Variants in EXD3 observed in about 807,000 individuals in gnomAD.
EXD3 encodes exonuclease mut-7 homolog.
Under a neutral mutation model 98.0 loss-of-function variants are expected in EXD3, and 92 were observed. The observed-to-expected ratio is 0.94, with a 90% CI of 0.79 to 1.12. The LOEUF (loss-of-function observed/expected upper bound fraction) is 1.12. Ranked by LOEUF, EXD3 falls within the 50% of genes most tolerant of loss-of-function variation. The pLI is 0.00. For missense variants in EXD3, 1,222 were observed against 1,191.6 expected, an observed-to-expected ratio of 1.03 and a Z score of -0.38; for synonymous variants, 569 against 526.0, an observed-to-expected ratio of 1.08 and a Z score of -1.12.
chr9:137,356,679 T>A (rs1264577835), intron 7 of EXD3, among the ~76,000 whole-genome samples: 1 of 152,190 alleles, frequency 6.6e-6, no homozygotes, highest in African/African-American at 2.4e-5. Context: ...GTATTAGAGT[T>A]TTAGCTAAAT....
rs532420019 is a variant in EXD3 at position 137,307,184 on chromosome 9, C to T, written c.2397G>A (p.Ala799=). The change falls in exon 22 of 22, where the codon GCG becomes GCA. Residue 799 remains alanine (A), a synonymous_variant. Coordinates refer to ENST00000340951, the MANE Select transcript of EXD3 (RefSeq NM_017820.5). The part of the protein sequence containing the change: ...CRWLQMADLR[A]ETPDMLADGT... ...CGTCGGCCAGCATGTCCGGTGTCTCCGCCCGCAGGTCAGCCATCTGCAGCC... is the reference window on the plus strand; with the variant it reads ...CGTCGGCCAGCATGTCCGGTGTCTCTGCCCGCAGGTCAGCCATCTGCAGCC... 91 of 1,585,028 alleles carry T rather than the reference C, an allele frequency of 5.7e-5. No homozygotes were observed. The highest frequency in any genetic ancestry group is 1.7e-4 in the Middle Eastern group (1 of 6,022).
rs769163620 is a variant in EXD3 at position 137,373,079 on chromosome 9, G to C, written c.295-7C>G. The C allele has an allele frequency of 9.0e-6, 14 of 1,559,726 alleles. No homozygotes were observed. Among genetic ancestry groups the C allele is most frequent in the South Asian group, 8.3e-5 (7 of 83,900 alleles). On this transcript the variant is annotated splice_polypyrimidine_tract_variant and splice_region_variant and intron_variant, in intron 4 of 21. Transcript: ENST00000340951. Reference sequence around the variant, plus strand: ...GCTTCAGCCTCAGGCTGTGCTGGAAGAGCAGGGACCCAGACTTACTGGACG... The same window carrying C: ...GCTTCAGCCTCAGGCTGTGCTGGAACAGCAGGGACCCAGACTTACTGGACG...
intron 17 of EXD3, among the ~76,000 whole-genome samples, chr9:137,332,459 C>T (rs1833120949): frequency 6.6e-6 from 1 of 151,794 alleles, no homozygotes; most frequent in Non-Finnish European, 1.5e-5. Context: ...TGGTAGTGGG[C>T]ACCTGTAGTC....
At chr9:137,352,417 C>G (rs774195950) in intron 11 of EXD3, among the ~76,000 whole-genome samples, 1 of 152,204 alleles carries the variant, frequency 6.6e-6, no homozygotes, top group Non-Finnish European at 1.5e-5. Flanking sequence ...CCTCATGGGT[C>G]GGGCTGGCCA....
At chr9:137,387,995 A>C (rs1039485696) in intron 2 of EXD3, among the ~76,000 whole-genome samples, 24 of 152,178 alleles carry the variant, frequency 1.6e-4, no homozygotes, top group African/African-American at 5.1e-4. Flanking sequence ...CTGGGCCCTG[A>C]CCCTGGACCC....
chr9:137,308,652 TTG>T (rs1237822223), intron 20 of EXD3, among the ~76,000 whole-genome samples: 9 of 149,920 alleles, frequency 6.0e-5, no homozygotes, highest in African/African-American at 2.2e-4. Context: ...TTTTTTTTTT[TTG>T]GAGACGGAGT....
At chr9:137,384,211 G>A (rs558387460) in intron 2 of EXD3, among the ~76,000 whole-genome samples, 3 of 152,344 alleles carry the variant, frequency 2.0e-5, no homozygotes, top group Non-Finnish European at 2.9e-5. Context: ...GTGTTGCTGC[G>A]AGGGAGGCTG....
chr9:137,410,276 G>A (rs1461737100), intron 1 of EXD3, among the ~76,000 whole-genome samples: 1 of 151,876 alleles, frequency 6.6e-6, no homozygotes, highest in African/African-American at 2.4e-5. Context: ...CTTGAGGCCA[G>A]GAGTTCAAAA....
Position 137,373,037 on chromosome 9 carries a change from C to T in EXD3, c.330G>A (p.Ala110=), listed in dbSNP as rs201064854. Residue 110 remains alanine, a synonymous_variant, in exon 5 of 22, where the codon GCG becomes GCA. Transcript: ENST00000340951. ...GGGGGCTCTCAGTGAGGACTTTGAC[C>T]GCTCGGGCCTGCAGCTGCTTCAGCC... ...SLRLKQLQAR[A]VKVLTESPPS... 129 of 1,599,738 alleles carry T rather than the reference C, an allele frequency of 8.1e-5. No homozygotes were observed. Among genetic ancestry groups the T allele is most frequent in the Middle Eastern group, 3.3e-4 (2 of 5,980 alleles).
chr9:137,311,374 C>G (rs1033450374), intron 19 of EXD3, among the ~76,000 whole-genome samples: 1 of 152,234 alleles, frequency 6.6e-6, no homozygotes, highest in African/African-American at 2.4e-5. Context: ...GGTGGTCCAC[C>G]CTCCACAGAG....
chr9:137,349,070 C>A lies in EXD3; in HGVS notation c.1830+40G>T. Reference sequence around the variant, plus strand: ...GTTTATGGACAGGGATCTCCTTCCCCAAGAATGCTGACAAACGGACCCTGC... The same window carrying A: ...GTTTATGGACAGGGATCTCCTTCCCAAAGAATGCTGACAAACGGACCCTGC... On this transcript the variant is annotated intron_variant, in intron 16 of 21. Transcript: ENST00000340951. The surrounding 1 kb of genome is among the most constrained non-coding windows in gnomAD (Gnocchi z 7.4). The A allele has an allele frequency of 1.3e-6, 2 of 1,546,468 alleles. No homozygotes were observed. The highest frequency in any genetic ancestry group is 1.2e-5 in the South Asian group (1 of 82,882).
At chr9:137,408,148 C>G (rs1056213323) in intron 1 of EXD3, among the ~76,000 whole-genome samples, 4 of 152,180 alleles carry the variant, frequency 2.6e-5, no homozygotes, top group African/African-American at 9.6e-5. Context: ...GGGTGTTTTA[C>G]TAAAACCCAA....
Position 137,362,539 on chromosome 9 carries a change from T to C in EXD3, c.656+3954A>G, listed in dbSNP as rs574183787. ...TTTTTTTTGATAGAGTCTCACTCTG[T>C]CCCCGGAGCGCAGCAGTGCAATCAC... is the stretch of plus-strand genomic sequence containing the variant. On this transcript the variant is annotated intron_variant, in intron 7 of 21. Transcript: ENST00000340951. 1.8e-4 allele frequency among the ~76,000 whole-genome samples: 27 copies of C among 151,762 alleles called. No homozygotes were observed. In the South Asian group the frequency reaches 5.6e-3, roughly 32 times the overall value.
rs538551313 is a variant in EXD3, at chr9:137,352,287, C to T, written c.1038-86G>A. ...GGAGCAGGAGGGGAGCATTCAGGGC[C>T]TGTTTGGTGGGGGCATCTCAGGTCC... On this transcript the variant is annotated intron_variant, in intron 11 of 21. Coordinates refer to ENST00000340951, the MANE Select transcript of EXD3 (RefSeq NM_017820.5). The T allele has an allele frequency of 1.0e-3, 1,629 of 1,563,308 alleles. 1 individual carries two copies. The highest frequency in any genetic ancestry group is 1.3e-3 in the Non-Finnish European group (1,533 of 1,147,974).
Position 137,352,117 on chromosome 9 carries a change from G to A in EXD3, c.1122C>T (p.His374=). Residue 374 remains histidine, a synonymous_variant, in exon 12 of 22, where the codon CAC becomes CAT. Transcript: ENST00000340951. ...TCAGGTCTTCCCACGAGGCCAGGAG[G>A]TGGACGTTCTCCCTGGGGATGGGCA... ...YQLPIPRENV[H]LLASWEDLTR... 2 of 1,612,816 alleles carry A rather than the reference G, an allele frequency of 1.2e-6. No individual in the cohort carries two copies. The highest frequency in any genetic ancestry group is 8.5e-7 in the Non-Finnish European group (1 of 1,179,756).
At chr9:137,419,214 G>C (rs1166328090) in intron 1 of EXD3, among the ~76,000 whole-genome samples, 1 of 152,154 alleles carries the variant, frequency 6.6e-6, no homozygotes, top group Non-Finnish European at 1.5e-5. Flanking sequence ...TAAAAATTCT[G>C]ACATGTCTTG....
At chr9:137,333,703 T>A (rs1356464864) in intron 17 of EXD3, among the ~76,000 whole-genome samples, 1 of 152,228 alleles carries the variant, frequency 6.6e-6, no homozygotes, top group Non-Finnish European at 1.5e-5. Context: ...CTTTGCCTTC[T>A]GCCAGGACTA....
chr9:137,398,108 C>G (rs185241889), intron 1 of EXD3, among the ~76,000 whole-genome samples: 5 of 152,364 alleles, frequency 3.3e-5, no homozygotes, highest in Admixed American at 3.3e-4. Flanking sequence ...TGCTTCACAG[C>G]AGGTGGATGG....
chr9:137,367,889 G>A (rs761253843), intron 6 of EXD3, 47 bp downstream of exon 6: 35 of 1,571,782 alleles, frequency 2.2e-5, no homozygotes, highest in East Asian at 9.0e-5. Flanking sequence ...AGACCTGGGC[G>A]TTATCCAAGT....
Sources: allele counts gnomAD v4.1 joint callset (sites outside exome capture counted in the v4.1 genomes callset), GRCh38; gene constraint gnomAD v4.1.1; non-coding constraint Gnocchi (gnomAD v3.1); transcripts MANE v1.5; gene names NCBI Gene and HGNC (gene_info 2026-07-23, HGNC 2026-07-21).